ZNF263: variants seen among roughly 807,000 people sequenced by gnomAD.
ZNF263 encodes zinc finger protein 263, also known as zinc finger protein FPM315.
ZNF263 carries 49 observed loss-of-function variants against 63.1 expected under a neutral mutation model. The ratio of observed to expected loss-of-function variants is 0.78; its 90% confidence interval spans 0.62 to 0.99. The LOEUF (loss-of-function observed/expected upper bound fraction) is 0.99, where lower values mean the gene tolerates loss of function less well. ZNF263 is among the 50% of genes least tolerant of loss of function. The probability of loss-of-function intolerance (pLI) is 0.00; values close to 1 mark genes in which losing one functional copy is unlikely to be tolerated. For synonymous variants in ZNF263, 352 were observed against 324.2 expected (o/e 1.09, Z -0.92); for missense variants, 872 against 854.8 (o/e 1.02, Z -0.25).
chr16:3,284,961 T>C, intron 1 of ZNF263, 98 bp from the exon 2 acceptor site: 1 of 1,457,848 alleles, frequency 6.9e-7, no homozygotes, highest in Non-Finnish European at 9.4e-7. Context: ...AGGGATCGCC[T>C]GAGGTTCTCT....
At position 3,285,295 on chromosome 16, in the gene ZNF263, C is replaced by A; in HGVS notation, c.568+56C>A. 5 of 1,528,914 alleles carry A rather than the reference C, an allele frequency of 3.3e-6. No homozygotes were observed. The South Asian group carries it at 5.9e-5, about 18-fold the overall frequency. 94.7% of individuals were successfully genotyped at this position (1,528,914 alleles called of 1,614,324 possible). A position where few individuals can be genotyped will look rare whatever the true frequency, so the allele number is the denominator to read the frequency against. On this transcript the variant is annotated intron_variant, in intron 2 of 5. Transcript: ENST00000219069. ...GGAGGAGGGGCTTGGGGGTTGCCCCCGACACTAGCTGGATGTAGCAATGAT... is the reference window on the plus strand; with the variant it reads ...GGAGGAGGGGCTTGGGGGTTGCCCCAGACACTAGCTGGATGTAGCAATGAT...
At position 3,285,047 on chromosome 16, in the gene ZNF263, G is replaced by T; in HGVS notation, c.388-12G>T. 1 of 1,613,814 alleles carries T rather than the reference G, an allele frequency of 6.2e-7. No individual in the cohort carries two copies. Among genetic ancestry groups the T allele is most frequent in the Non-Finnish European group, 8.5e-7 (1 of 1,179,804 alleles). On this transcript the variant is annotated splice_polypyrimidine_tract_variant and intron_variant, in intron 1 of 5. Transcript: ENST00000219069. ...CCTGTTGTGATGATGAGTGATGTGG[G>T]TTGGTTCCCAGGTCACAAACCATGG... is the stretch of plus-strand genomic sequence containing the variant.
At position 3,291,189 on chromosome 16, in the gene ZNF263, CAAT is replaced by C. The variant is rs981679871; in HGVS notation, c.*637_*639del. The C allele has an allele frequency of 2.0e-6, 2 of 985,446 alleles. No homozygotes were observed. Among genetic ancestry groups the C allele is most frequent in the Non-Finnish European group, 2.4e-6 (2 of 830,148 alleles). The allele number at this position is 985,446 out of a possible 1,614,324, so 61.0% of individuals were successfully genotyped here. ...CAAAAAGGAACCAGAGGCCCAAGGG[CAAT>C]AATAAGGTGGAATTTGCAGGTCAGC... On this transcript the variant is annotated 3_prime_UTR_variant, in exon 6 of 6. Coordinates refer to ENST00000219069, the MANE Select transcript of ZNF263 (RefSeq NM_005741.5).
chr16:3,296,083 C>T (rs1959737094), downstream of ZNF263, among the ~76,000 whole-genome samples: 3 of 152,194 alleles, frequency 2.0e-5, 1 homozygote, highest in South Asian at 4.1e-4. Context: ...TCAGACACCT[C>T]CCCTGCTATC....
At chr16:3,294,702 ACT>A (rs1371270281), downstream of ZNF263, among the ~76,000 whole-genome samples, 2 of 152,104 alleles carry the variant, frequency 1.3e-5, no homozygotes, top group Non-Finnish European at 2.9e-5. Context: ...AGGAAAAATG[ACT>A]CAGATCACAA....
rs750738145 is a variant in ZNF263, at chr16:3,289,518, C to T, written c.1012C>T (p.His338Tyr). The change falls in exon 6 of 6, where the codon CAT becomes TAT. Residue 338 changes from histidine (H) to tyrosine (Y), a missense_variant. Physicochemically the swap from His to Tyr is moderately conservative, Grantham distance 83. Transcript: ENST00000219069. ...VPWSPELGRPHDRSQGDWAPP... is the reference protein window; with the variant it reads ...VPWSPELGRPYDRSQGDWAPP... ...CTGGAGTCCTGAGCTGGGAAGACCT[C>T]ATGACCGGTCGCAAGGGGATTGGGC... 2.6e-5 allele frequency: 42 copies of T among 1,589,294 alleles called. No individual in the cohort carries two copies. In the South Asian group the frequency reaches 4.1e-4, roughly 15 times the overall value.
rs763594304 is a variant in ZNF263 at position 3,283,925 on chromosome 16, G to A, written c.107G>A (p.Ser36Asn). Residue 36 changes from serine to asparagine, a missense_variant, in exon 1 of 6, where the codon AGC (serine) becomes AAC (asparagine). By Grantham distance (46) the Ser-to-Asn change is conservative. Coordinates refer to ENST00000219069, the MANE Select transcript of ZNF263 (RefSeq NM_005741.5). Reference sequence around the variant, plus strand: ...CTGCCCCCACCTGACCCAGGACCGAGCCCCGAGGCCTCCCACTTGCGCTTC... The same window carrying A: ...CTGCCCCCACCTGACCCAGGACCGAACCCCGAGGCCTCCCACTTGCGCTTC... ...QELPPPDPGP[S>N]PEASHLRFRR... is the part of the protein sequence containing the mutation. 10 of 1,613,590 alleles carry A rather than the reference G, an allele frequency of 6.2e-6. No individual in the cohort carries two copies. The highest frequency in any genetic ancestry group is 8.5e-6 in the Non-Finnish European group (10 of 1,179,998).
At position 3,283,659 on chromosome 16, in the gene ZNF263, C is replaced by A; in HGVS notation, c.-160C>A. The A allele has an allele frequency of 8.2e-7, 1 of 1,224,942 alleles. No individual in the cohort carries two copies. The highest frequency in any genetic ancestry group is 1.6e-5 in the African/African-American group (1 of 63,402). 75.9% of individuals were successfully genotyped at this position (1,224,942 alleles called of 1,614,324 possible). On this transcript the variant is annotated 5_prime_UTR_variant, in exon 1 of 6. Coordinates refer to ENST00000219069, the MANE Select transcript of ZNF263 (RefSeq NM_005741.5). Reference sequence around the variant, plus strand: ...CTGGGACCGACTGAGGCCTAGGCGCCGGAGCCGGCCGCGCCTGGGCTGGAG... The same window carrying A: ...CTGGGACCGACTGAGGCCTAGGCGCAGGAGCCGGCCGCGCCTGGGCTGGAG...
chr16:3,286,522 C>T (rs1959365339), intron 4 of ZNF263: 1 of 157,330 alleles, frequency 6.4e-6, no homozygotes, highest in African/African-American at 2.4e-5. Context: ...ATGAGCTCGC[C>T]AGTGTTTCCT....
At chr16:3,299,576 G>A in intron 2 of ZNF263, 1 of 1,538,572 alleles carries the variant, frequency 6.5e-7, no homozygotes, top group South Asian at 1.3e-5. Context: ...CTCTCTTCAA[G>A]TTGCTTCCAT....
At chr16:3,292,535 G>C (rs1221250475), downstream of ZNF263, among the ~76,000 whole-genome samples, 5 of 152,150 alleles carry the variant, frequency 3.3e-5, no homozygotes, top group African/African-American at 1.2e-4. Flanking sequence ...CCAGGCTGCT[G>C]ATGTCATGAA....
intron 2 of ZNF263, 87 bp downstream of exon 2, chr16:3,285,326 G>A (rs780109744): frequency 1.3e-5 from 18 of 1,393,288 alleles, no homozygotes; most frequent in Non-Finnish European, 1.7e-5. Flanking sequence ...ATGATGCGAA[G>A]GAGAAGGAAT....
At position 3,290,918 on chromosome 16, in the gene ZNF263, A is replaced by G; in HGVS notation, c.*360A>G. ...TGGGAATCCATGTGATGTTTTTGATACTTCTTCCTCATTTGGGACATTCAG... is the reference window on the plus strand; with the variant it reads ...TGGGAATCCATGTGATGTTTTTGATGCTTCTTCCTCATTTGGGACATTCAG... On this transcript the variant is annotated 3_prime_UTR_variant, in exon 6 of 6. Coordinates refer to ENST00000219069, the MANE Select transcript of ZNF263 (RefSeq NM_005741.5). 1 of 1,019,158 alleles carries G rather than the reference A, an allele frequency of 9.8e-7. No homozygotes were observed. The highest frequency in any genetic ancestry group is 1.2e-6 in the Non-Finnish European group (1 of 849,506). 63.1% of individuals were successfully genotyped at this position (1,019,158 alleles called of 1,614,324 possible).
In ZNF263 at chr16:3,289,422, G is replaced by T. The variant is rs766043304; in HGVS notation, c.916G>T (p.Val306Phe). 8 of 1,516,230 alleles carry T rather than the reference G, an allele frequency of 5.3e-6. No individual in the cohort carries two copies. The South Asian group carries it at 8.1e-5, about 15-fold the overall frequency. The allele number at this position is 1,516,230 out of a possible 1,614,324, so 93.9% of individuals were successfully genotyped here. The change falls in exon 6 of 6, where the codon GTT (valine) becomes TTT (phenylalanine). Residue 306 changes from valine to phenylalanine, a missense_variant. Transcript: ENST00000219069. ...GEEKFENLEG[V>F]PSVCSENIHP... ...AGAGAAATTTGAGAACCTGGAAGGT[G>T]TTCCGTCTGTATGCTCTGAGAACAT...
At chr16:3,297,079 C>T (rs373371695) in intron 1 of ZNF263, among the ~76,000 whole-genome samples, 5 of 152,030 alleles carry the variant, frequency 3.3e-5, no homozygotes, top group African/African-American at 1.2e-4. Flanking sequence ...CTGAGGCAGG[C>T]GGATCACGAG....
At position 3,284,305 on chromosome 16, in the gene ZNF263, C is replaced by T. The variant is rs1369025864; in HGVS notation, c.387+100C>T. The T allele has an allele frequency of 2.1e-6, 3 of 1,409,584 alleles. No homozygotes were observed. In the African/African-American group the frequency reaches 4.3e-5, roughly 20 times the overall value. 87.3% of individuals were successfully genotyped at this position (1,409,584 alleles called of 1,614,324 possible). ...ATTCAAGTAAATTGCCCTGAGTAGA[C>T]CTTACGTGGGGAAGAGGACTTGTGA... On this transcript the variant is annotated intron_variant, in intron 1 of 5. Transcript: ENST00000219069.
chr16:3,288,046 G>A (rs1959445663), intron 4 of ZNF263, among the ~76,000 whole-genome samples: 1 of 151,972 alleles, frequency 6.6e-6, no homozygotes, highest in Non-Finnish European at 1.5e-5. Context: ...GAAGTCAGGA[G>A]TTCGAGACCA....
intron 2 of ZNF263, chr16:3,299,920 G>T: frequency 6.2e-7 from 1 of 1,612,216 alleles, no homozygotes; most frequent in Non-Finnish European, 8.5e-7. Context: ...GGGCAGTTTT[G>T]ATTTTCCAAT....
intron 2 of ZNF263, 75 bp from the exon 3 acceptor site, chr16:3,285,606 A>C (rs891102372): frequency 4.1e-6 from 6 of 1,454,610 alleles, no homozygotes; most frequent in Non-Finnish European, 5.8e-6. Context: ...TGGGGAATGG[A>C]TACTGTGTTT....
Sources: allele counts gnomAD v4.1 joint callset (sites outside exome capture counted in the v4.1 genomes callset), GRCh38; gene constraint gnomAD v4.1.1; transcripts MANE v1.5; gene names NCBI Gene and HGNC (gene_info 2026-07-23, HGNC 2026-07-21).